The following GLOD4 variants were observed in gnomAD, a reference collection of about 807,000 sequenced individuals.
The protein encoded by GLOD4 is glyoxalase domain-containing protein 4.
In GLOD4, 44 loss-of-function variants were observed where a neutral mutation model predicts 39.1. The observed-to-expected ratio is 1.13, with a 90% CI of 0.88 to 1.45. The LOEUF (loss-of-function observed/expected upper bound fraction) is 1.45. Among genes scored for constraint, GLOD4 ranks in the 40% most tolerant of loss-of-function variants. The pLI is 0.00. For synonymous variants in GLOD4, 145 were observed against 135.0 expected (o/e 1.07, Z -0.52); for missense variants, 405 against 366.4 (o/e 1.11, Z -0.86).
intron 4 of GLOD4, among the ~76,000 whole-genome samples, chr17:772,200 A>C (rs910928035): frequency 3.0e-4 from 46 of 151,170 alleles, no homozygotes; most frequent in South Asian, 1.0e-3. Context: ...AAAAAAAAAA[A>C]AAAAAAAAAC....
chr17:764,834 C>T (rs71357107), intron 8 of GLOD4: 22,713 of 147,014 alleles, frequency 0.15, 2,302 homozygotes, highest in East Asian at 0.27. Context: ...CGGTGAAACC[C>T]GTCTCTACTA....
rs779082623 is a variant in GLOD4, at chr17:769,971, G to C, written c.745-16C>G. 2.5e-6 allele frequency: 4 copies of C among 1,590,356 alleles called. No homozygotes were observed. Among genetic ancestry groups the C allele is most frequent in the South Asian group, 1.1e-5 (1 of 90,610 alleles). ...CATGTCCGTCCTACACCAATAAAGAGAAAAGACACCTGCCAAAGACATCCT... is the reference window on the plus strand; with the variant it reads ...CATGTCCGTCCTACACCAATAAAGACAAAAGACACCTGCCAAAGACATCCT... On this transcript the variant is annotated splice_polypyrimidine_tract_variant and intron_variant, in intron 7 of 8. Transcript: ENST00000301329.
chr17:759,843 ACTAT>A lies in GLOD4; in HGVS notation c.*326_*329del, dbSNP rs1333425424. ...GCTACACGATTCAGAGGTAACCCTA[ACTAT>A]CCGCAATCCCAACCAAAGTCATGTT... On this transcript the variant is annotated 3_prime_UTR_variant, in exon 9 of 9. Transcript: ENST00000301329. 66 of 274,134 alleles carry A rather than the reference ACTAT, an allele frequency of 2.4e-4. No individual in the cohort carries two copies. The highest frequency in any genetic ancestry group is 1.3e-3 in the African/African-American group (59 of 45,794). 17.0% of individuals were successfully genotyped at this position (274,134 alleles called of 1,614,324 possible).
chr17:776,839 A>C (rs777160389), intron 3 of GLOD4, 29 bp downstream of exon 3: 1 of 1,597,250 alleles, frequency 6.3e-7, no homozygotes, highest in South Asian at 1.1e-5. Context: ...CCCCCAGCCA[A>C]AACTCTGCTA....
chr17:766,200 A>C (rs1906517304), intron 8 of GLOD4, among the ~76,000 whole-genome samples: 1 of 152,024 alleles, frequency 6.6e-6, no homozygotes, highest in Non-Finnish European at 1.5e-5. Flanking sequence ...AGGGAGGCTG[A>C]GGTGGGAGGA....
chr17:785,456 G>T (rs1202784538), upstream of GLOD4, among the ~76,000 whole-genome samples: 2 of 152,116 alleles, frequency 1.3e-5, no homozygotes, highest in African/African-American at 4.8e-5. Flanking sequence ...ATTAAATAAG[G>T]AGAGAATTTT....
rs867091493 is a variant in GLOD4 at position 770,415 on chromosome 17, C to T, written c.630+6G>A. The T allele has an allele frequency of 5.6e-6, 8 of 1,437,974 alleles. No homozygotes were observed. Among genetic ancestry groups the T allele is most frequent in the Admixed American group, 3.3e-5 (2 of 59,820 alleles). 89.1% of individuals were successfully genotyped at this position (1,437,974 alleles called of 1,614,324 possible). A position where few individuals can be genotyped will look rare whatever the true frequency, so the allele number is the denominator to read the frequency against. ...AAAGCTCAAACGATCTGGTATCAAG[C>T]GTTACCTCTTTCTGGGGGCAAGAGA... On this transcript the variant is annotated splice_donor_region_variant and intron_variant, in intron 6 of 8. Transcript: ENST00000301329.
intron 8 of GLOD4, among the ~76,000 whole-genome samples, chr17:761,724 G>C (rs1905469634): frequency 6.6e-6 from 1 of 152,136 alleles, no homozygotes; most frequent in African/African-American, 2.4e-5. Context: ...GGCTGGTCTG[G>C]GACTCCTGAC....
chr17:762,132 G>T (rs1905567691), intron 8 of GLOD4, among the ~76,000 whole-genome samples: 1 of 152,208 alleles, frequency 6.6e-6, no homozygotes, highest in African/African-American at 2.4e-5. Context: ...AGGGAAAGCT[G>T]ATAGGCAGAA....
rs566914905 is a variant in GLOD4, at chr17:760,015, C to A, written c.*158G>T. The A allele has an allele frequency of 7.7e-5, 47 of 613,122 alleles. No individual in the cohort carries two copies. In the African/African-American group the frequency reaches 8.3e-4, roughly 11 times the overall value. 38.0% of individuals were successfully genotyped at this position (613,122 alleles called of 1,614,324 possible). On this transcript the variant is annotated 3_prime_UTR_variant, in exon 9 of 9. Transcript: ENST00000301329. ...ATTGGATTTCATTTCTAAATTACAT[C>A]AGAGCTTTCAAAGATTGAAATACAC...
chr17:784,041 G>A (rs530367863), upstream of GLOD4, among the ~76,000 whole-genome samples: 12 of 152,300 alleles, frequency 7.9e-5, no homozygotes, highest in South Asian at 2.1e-4. Flanking sequence ...TTACTGCCCC[G>A]TTTAGCCCAA....
At chr17:765,082 C>G (rs949675815) in intron 8 of GLOD4, 1 of 150,962 alleles carries the variant, frequency 6.6e-6, no homozygotes, top group Non-Finnish European at 1.5e-5. Flanking sequence ...AAAGAAAATA[C>G]TGAATGACTC....
upstream of GLOD4, chr17:783,592 C>CG: frequency 6.4e-6 from 2 of 313,682 alleles, no homozygotes; most frequent in South Asian, 3.4e-5. Flanking sequence ...CTGCCTCGGC[C>CG]TCCCAAAGTG....
chr17:777,272 T>C (rs1398485091), intron 2 of GLOD4: 2 of 435,436 alleles, frequency 4.6e-6, no homozygotes, highest in Non-Finnish European at 8.4e-6. Flanking sequence ...AACTGACCTG[T>C]TATTTCCTTG....
intron 8 of GLOD4, among the ~76,000 whole-genome samples, chr17:762,528 G>C (rs1177977958): frequency 6.9e-6 from 1 of 144,450 alleles, no homozygotes; most frequent in African/African-American, 2.5e-5. Flanking sequence ...GGGATGAAGG[G>C]GAATAATTTC....
chr17:782,130 C>G (rs1567797162), intron 1 of GLOD4, 36 bp downstream of exon 1: 1 of 1,510,600 alleles, frequency 6.6e-7, no homozygotes, highest in African/African-American at 1.4e-5. Flanking sequence ...CCGGTTCCAG[C>G]CTCGCGCGCC....
chr17:780,842 A>G (rs1597590082), intron 1 of GLOD4: 1 of 152,460 alleles, frequency 6.6e-6, no homozygotes, highest in East Asian at 2.0e-4. Context: ...TTGTATTTTT[A>G]TAATAGTGGC....
chr17:771,115 T>C (rs1015779008), intron 5 of GLOD4: 2 of 393,606 alleles, frequency 5.1e-6, no homozygotes, highest in African/African-American at 2.1e-5. Context: ...TCTGAAGAGA[T>C]ATATCCCCAA....
At chr17:784,040 C>T (rs568038431), upstream of GLOD4, among the ~76,000 whole-genome samples, 10 of 152,338 alleles carry the variant, frequency 6.6e-5, no homozygotes, top group South Asian at 1.2e-3. Flanking sequence ...TTTACTGCCC[C>T]GTTTAGCCCA....
Sources: gnomAD v4.1 joint callset for allele counts (sites outside exome capture counted in the v4.1 genomes callset) on GRCh38, gnomAD v4.1.1 for gene constraint, MANE v1.5 for transcripts, NCBI Gene and HGNC (gene_info 2026-07-23, HGNC 2026-07-21) for gene names.